CSMD1: variants seen among roughly 807,000 people sequenced by gnomAD.
The protein encoded by CSMD1 is CUB and sushi domain-containing protein 1.
A neutral mutation model predicts 417.5 loss-of-function variants in CSMD1; 213 were observed. That is an observed-to-expected ratio of 0.51 (90% confidence interval 0.46 to 0.57). The LOEUF (loss-of-function observed/expected upper bound fraction) is 0.57, where lower values mean the gene tolerates loss of function less well. CSMD1 is among the 20% of genes least tolerant of loss of function. CSMD1 has a pLI of 0.00. For synonymous variants in CSMD1, 2,862 were observed against 1,736.8 expected, an observed-to-expected ratio of 1.65 and a Z score of -16.11; for missense variants, 6,923 against 4,529.7, an observed-to-expected ratio of 1.53 and a Z score of -15.17.
At chr8:4,145,266 G>C (rs1379324050) in intron 3 of CSMD1, among the ~76,000 whole-genome samples, 1 of 150,992 alleles carries the variant, frequency 6.6e-6, no homozygotes, top group Non-Finnish European at 1.5e-5. Context: ...ACTGGAACTT[G>C]TAGAGTTAGA....
intron 2 of CSMD1, among the ~76,000 whole-genome samples, chr8:4,587,655 G>A (rs959047921): frequency 6.6e-6 from 1 of 152,068 alleles, no homozygotes; most frequent in African/African-American, 2.4e-5. Flanking sequence ...TTACTGAAGA[G>A]AACTATGTCT....
intron 5 of CSMD1, among the ~76,000 whole-genome samples, chr8:3,934,265 G>A (rs1004533847): frequency 6.6e-6 from 1 of 152,074 alleles, no homozygotes; most frequent in Non-Finnish European, 1.5e-5. Flanking sequence ...TCATTCCGCT[G>A]TTCTTCATCA....
Position 3,150,384 on chromosome 8 carries a change from C to A in CSMD1, c.6031+1013G>T, listed in dbSNP as rs1340298938. On this transcript the variant is annotated intron_variant, in intron 40 of 69. Coordinates refer to ENST00000635120, the MANE Select transcript of CSMD1 (RefSeq NM_033225.6). ...CAGTCATGTTGGTCAACTGCATTTCCCACGTCCAGCGCCTGATTGACCTGT... is the reference window on the plus strand; with the variant it reads ...CAGTCATGTTGGTCAACTGCATTTCACACGTCCAGCGCCTGATTGACCTGT... Among the ~76,000 whole-genome samples, 3 of 152,140 alleles carry A rather than the reference C, an allele frequency of 2.0e-5. No homozygotes were observed. In the East Asian group the frequency reaches 5.8e-4, roughly 29 times the overall value.
chr8:3,496,817 G>A (rs1421475174), intron 10 of CSMD1, among the ~76,000 whole-genome samples: 2 of 152,094 alleles, frequency 1.3e-5, no homozygotes, highest in Non-Finnish European at 2.9e-5. Flanking sequence ...GCAACAGAGT[G>A]AGACTCCGTC....
At chr8:4,002,089 G>C (rs1225027126) in intron 4 of CSMD1, among the ~76,000 whole-genome samples, 2 of 152,108 alleles carry the variant, frequency 1.3e-5, no homozygotes, top group African/African-American at 2.4e-5. Context: ...TTGATTAATT[G>C]AATATTACAC....
intron 3 of CSMD1, among the ~76,000 whole-genome samples, chr8:4,222,653 C>T (rs913102999): frequency 4.6e-5 from 7 of 152,286 alleles, no homozygotes; most frequent in Admixed American, 2.0e-4. Flanking sequence ...ATCAATGTGA[C>T]GGCAGATGCC....
At chr8:4,085,686 C>G (rs1311982991) in intron 3 of CSMD1, among the ~76,000 whole-genome samples, 2 of 152,124 alleles carry the variant, frequency 1.3e-5, no homozygotes, top group Non-Finnish European at 2.9e-5. Flanking sequence ...GGATAATGCT[C>G]TAATATGATC....
At chr8:3,189,891 C>T (rs368155607) in intron 34 of CSMD1, 21 bp downstream of exon 34, 22 of 1,551,830 alleles carry the variant, frequency 1.4e-5, no homozygotes, top group Non-Finnish European at 1.9e-5. Flanking sequence ...TGGCGGGCAG[C>T]CGCTTAGGGA....
rs1806519387 is a variant in CSMD1 at position 3,326,189 on chromosome 8, G to A, written c.3631+17105C>T. Reference sequence around the variant, plus strand: ...ACACTGACAGTTCCGTCTTCGCGATGATATACATGTTGGTCAGTTAGCAAG... The same window carrying A: ...ACACTGACAGTTCCGTCTTCGCGATAATATACATGTTGGTCAGTTAGCAAG... On this transcript the variant is annotated intron_variant, in intron 23 of 69. Coordinates refer to ENST00000635120, the MANE Select transcript of CSMD1 (RefSeq NM_033225.6). 5.9e-5 allele frequency among the ~76,000 whole-genome samples: 9 copies of A among 152,194 alleles called. No homozygotes were observed. In the South Asian group the frequency reaches 1.7e-3, roughly 28 times the overall value.
chr8:3,233,118 C>A (rs1354616166), intron 26 of CSMD1, among the ~76,000 whole-genome samples: 1 of 151,206 alleles, frequency 6.6e-6, no homozygotes, highest in Admixed American at 6.6e-5. Context: ...TTTTATTTGG[C>A]CTAATTTTTC....
chr8:3,852,761 G>C (rs1029177137), intron 5 of CSMD1, among the ~76,000 whole-genome samples: 8 of 151,978 alleles, frequency 5.3e-5, no homozygotes, highest in South Asian at 2.1e-4. Flanking sequence ...CGCTGCACAG[G>C]TTTGTAGGAT....
At chr8:3,866,665 T>A (rs975440516) in intron 5 of CSMD1, among the ~76,000 whole-genome samples, 3 of 129,306 alleles carry the variant, frequency 2.3e-5, no homozygotes, top group African/African-American at 7.8e-5. Context: ...AATAAGCTTA[T>A]AAGATTTCTA....
intron 5 of CSMD1, among the ~76,000 whole-genome samples, chr8:3,847,752 C>T (rs1218682528): frequency 6.6e-6 from 1 of 152,154 alleles, no homozygotes; most frequent in African/African-American, 2.4e-5. Flanking sequence ...GCAGTTCCAG[C>T]TCCATATGTT....
intron 1 of CSMD1, among the ~76,000 whole-genome samples, chr8:4,798,787 A>T (rs1439980896): frequency 1.3e-5 from 2 of 152,240 alleles, no homozygotes; most frequent in African/African-American, 4.8e-5. Flanking sequence ...TAGAACTTCA[A>T]AAGTAGAAAC....
At chr8:3,533,471 G>C (rs562461719) in intron 10 of CSMD1, among the ~76,000 whole-genome samples, 2 of 152,196 alleles carry the variant, frequency 1.3e-5, no homozygotes, top group Admixed American at 1.3e-4. Flanking sequence ...CATGTAAGTG[G>C]AATCATGAAG....
At chr8:3,826,594 CA>C (rs1802067882) in intron 5 of CSMD1, among the ~76,000 whole-genome samples, 1 of 152,098 alleles carries the variant, frequency 6.6e-6, no homozygotes, top group African/African-American at 2.4e-5. Flanking sequence ...TGGCCCAGCC[CA>C]GCTTTCCTCT....
chr8:3,183,088 C>T (rs1821519145), intron 36 of CSMD1: 1 of 151,680 alleles, frequency 6.6e-6, no homozygotes, highest in Non-Finnish European at 1.5e-5. Context: ...TGAAGTGTGT[C>T]GAACTAAACG....
intron 59 of CSMD1, among the ~76,000 whole-genome samples, chr8:2,963,799 G>GT (rs1803708635): frequency 6.6e-6 from 1 of 152,136 alleles, no homozygotes; most frequent in Admixed American, 6.5e-5. Context: ...CTGGCCATCT[G>GT]TATTTTTTAT....
At chr8:4,317,010 G>A (rs1353834897) in intron 3 of CSMD1, among the ~76,000 whole-genome samples, 2 of 152,092 alleles carry the variant, frequency 1.3e-5, no homozygotes, top group Non-Finnish European at 2.9e-5. Flanking sequence ...CCAATACACT[G>A]TTGGGGCAAA....
Sources: gnomAD v4.1 joint callset for allele counts (sites outside exome capture counted in the v4.1 genomes callset) on GRCh38, gnomAD v4.1.1 for gene constraint, MANE v1.5 for transcripts, NCBI Gene and HGNC (gene_info 2026-07-23, HGNC 2026-07-21) for gene names.